DYNC1I1: variants seen among roughly 807,000 people sequenced by gnomAD.
DYNC1I1 encodes cytoplasmic dynein 1 intermediate chain 1.
Under a neutral mutation model 86.6 loss-of-function variants are expected in DYNC1I1, and 43 were observed. The ratio of observed to expected loss-of-function variants is 0.50; its 90% CI spans 0.39 to 0.64. DYNC1I1 has a LOEUF of 0.64. Among genes scored for constraint, DYNC1I1 ranks in the 30% least tolerant of loss-of-function variants. The pLI, the probability that DYNC1I1 is intolerant of heterozygous loss-of-function variation, is 0.00. For synonymous variants in DYNC1I1, 262 were observed against 283.7 expected, an observed-to-expected ratio of 0.92 and a Z score of 0.77; for missense variants, 604 against 788.8, an observed-to-expected ratio of 0.77 and a Z score of 2.81.
intron 6 of DYNC1I1, among the ~76,000 whole-genome samples, chr7:95,908,678 GCTCACTA>G: frequency 6.6e-6 from 1 of 152,198 alleles, no homozygotes; most frequent in East Asian, 1.9e-4. Context: ...CTCCTTGATT[GCTCACTA>G]GCAGCCCAGG....
intron 1 of DYNC1I1, among the ~76,000 whole-genome samples, chr7:95,791,995 T>C (rs896757677): frequency 1.3e-5 from 2 of 152,220 alleles, no homozygotes; most frequent in African/African-American, 2.4e-5. Flanking sequence ...TTATTGATGA[T>C]TGGAAAGTTC....
At chr7:95,987,193 T>G (rs761964070) in intron 9 of DYNC1I1, 38 bp downstream of exon 9, 1 of 1,538,480 alleles carries the variant, frequency 6.5e-7, no homozygotes, top group Admixed American at 1.7e-5. Context: ...ACTGGGCTTG[T>G]GTTCTCGTGG....
At chr7:95,978,493 G>T (rs545041493) in intron 7 of DYNC1I1, among the ~76,000 whole-genome samples, 1 of 152,296 alleles carries the variant, frequency 6.6e-6, no homozygotes, top group South Asian at 2.1e-4. Context: ...TGTCTTACTT[G>T]CTGGCAAATA....
chr7:95,965,068 A>G (rs1792974039), intron 6 of DYNC1I1, among the ~76,000 whole-genome samples: 1 of 152,218 alleles, frequency 6.6e-6, no homozygotes, highest in Non-Finnish European at 1.5e-5. Flanking sequence ...GGAAGACTCC[A>G]TGCAGTAGAT....
At chr7:96,062,752 C>T (rs1287824507) in intron 14 of DYNC1I1, among the ~76,000 whole-genome samples, 1 of 152,196 alleles carries the variant, frequency 6.6e-6, no homozygotes, top group Non-Finnish European at 1.5e-5. Flanking sequence ...CCCCATCTCA[C>T]CCTGTAGCCA....
chr7:95,780,393 G>T (rs138493305), intron 1 of DYNC1I1, among the ~76,000 whole-genome samples: 8,145 of 148,834 alleles, frequency 0.055, 278 homozygotes, highest in African/African-American at 0.087. Flanking sequence ...TCAGCCTCCC[G>T]AGTAGCTGGG....
At chr7:95,901,826 T>TA (rs1791043369) in intron 6 of DYNC1I1, among the ~76,000 whole-genome samples, 1 of 152,218 alleles carries the variant, frequency 6.6e-6, no homozygotes, top group African/African-American at 2.4e-5. Context: ...TAATTTAGGC[T>TA]AAAAGACCAG....
At chr7:95,852,192 T>C (rs1334900798) in intron 5 of DYNC1I1, among the ~76,000 whole-genome samples, 1 of 152,144 alleles carries the variant, frequency 6.6e-6, no homozygotes, top group African/African-American at 2.4e-5. Flanking sequence ...TTACTCATTA[T>C]TGGCCTCTTC....
chr7:95,931,575 T>C (rs368493207), intron 6 of DYNC1I1, among the ~76,000 whole-genome samples: 2 of 152,222 alleles, frequency 1.3e-5, no homozygotes, highest in Non-Finnish European at 2.9e-5. Flanking sequence ...GTTTGTATTG[T>C]TCTAGTTCAG....
At chr7:95,987,430 C>T (rs1442656273) in intron 9 of DYNC1I1, among the ~76,000 whole-genome samples, 4 of 152,154 alleles carry the variant, frequency 2.6e-5, no homozygotes, top group Non-Finnish European at 5.9e-5. Flanking sequence ...TTGTCAAATC[C>T]TGTGGATATT....
At chr7:95,911,993 T>A (rs766597263) in intron 6 of DYNC1I1, among the ~76,000 whole-genome samples, 6 of 152,204 alleles carry the variant, frequency 3.9e-5, no homozygotes, top group Non-Finnish European at 8.8e-5. Flanking sequence ...TAATCCAAAC[T>A]TTTTAAGGCT....
rs185202632 is a variant in DYNC1I1 at position 96,016,350 on chromosome 7, G to T, written c.970-11825G>T. Among the ~76,000 whole-genome samples, 6 of 149,406 alleles carry T rather than the reference G, an allele frequency of 4.0e-5. No homozygotes were observed. In the East Asian group the frequency reaches 1.2e-3, roughly 30 times the overall value. On this transcript the variant is annotated intron_variant, in intron 10 of 16. Coordinates refer to ENST00000447467, the MANE Select transcript of DYNC1I1 (RefSeq NM_001135556.2). ...TCTCTCTATAATTTCTGACCTAAGT[G>T]CCTTGGTAATGATCTAATGTGGGCT...
At chr7:96,010,293 C>T (rs1367299356) in intron 10 of DYNC1I1, among the ~76,000 whole-genome samples, 2 of 151,982 alleles carry the variant, frequency 1.3e-5, no homozygotes, top group East Asian at 1.9e-4. Flanking sequence ...GGAGTGGAGG[C>T]GGGAATGGTT....
chr7:95,979,417 G>A (rs1328128391), intron 7 of DYNC1I1, among the ~76,000 whole-genome samples: 1 of 152,196 alleles, frequency 6.6e-6, no homozygotes, highest in East Asian at 1.9e-4. Context: ...AGTAAGTGCT[G>A]TATAAAAGTT....
At chr7:96,062,770 T>G (rs1789820933) in intron 14 of DYNC1I1, among the ~76,000 whole-genome samples, 1 of 152,176 alleles carries the variant, frequency 6.6e-6, no homozygotes. Flanking sequence ...CCACCATTTC[T>G]AAAATAAAAA....
chr7:95,846,960 A>G (rs1450349115), intron 5 of DYNC1I1, among the ~76,000 whole-genome samples: 2 of 152,046 alleles, frequency 1.3e-5, no homozygotes, highest in African/African-American at 4.8e-5. Context: ...CTCATTTTGA[A>G]TTTTGTCTTC....
intron 1 of DYNC1I1, among the ~76,000 whole-genome samples, chr7:95,776,139 G>C (rs1793833955): frequency 1.3e-5 from 2 of 152,128 alleles, no homozygotes. Flanking sequence ...GTTGCAGTGA[G>C]ACGAGATTGC....
chr7:95,841,565 G>A (rs1789282994), intron 5 of DYNC1I1, among the ~76,000 whole-genome samples: 3 of 152,038 alleles, frequency 2.0e-5, no homozygotes, highest in African/African-American at 7.3e-5. Flanking sequence ...AGGTGAGTTA[G>A]TAACTACACT....
intron 5 of DYNC1I1, among the ~76,000 whole-genome samples, chr7:95,860,502 A>G (rs542510811): frequency 3.1e-4 from 47 of 152,324 alleles, no homozygotes; most frequent in Non-Finnish European, 6.0e-4. Context: ...AAAACTTAAT[A>G]AATATTATTT....
Sources: allele counts gnomAD v4.1 joint callset (sites outside exome capture counted in the v4.1 genomes callset), GRCh38; gene constraint gnomAD v4.1.1; transcripts MANE v1.5; gene names NCBI Gene and HGNC (gene_info 2026-07-23, HGNC 2026-07-21).